The following BICDL1 variants were observed in gnomAD, a reference collection of about 807,000 sequenced individuals.
BICDL1 encodes the protein BICD family-like cargo adapter 1.
A neutral mutation model predicts 76.8 loss-of-function variants in BICDL1; 20 were observed. The ratio of observed to expected loss-of-function variants is 0.26; its 90% CI spans 0.18 to 0.38. The LOEUF is 0.38. Ranked by LOEUF, BICDL1 falls within the 10% of genes least tolerant of loss-of-function variation. The probability of loss-of-function intolerance (pLI) is 1.00; values close to 1 mark genes in which losing one functional copy is unlikely to be tolerated. For missense variants in BICDL1, 700 were observed against 798.6 expected (o/e 0.88, Z 1.49); for synonymous variants, 383 against 337.1 (o/e 1.14, Z -1.49).
intron 2 of BICDL1, among the ~76,000 whole-genome samples, chr12:120,001,201 A>G (rs1352364841): frequency 6.6e-6 from 1 of 152,156 alleles, no homozygotes; most frequent in African/African-American, 2.4e-5. Context: ...GAAGTGAATT[A>G]AGACAAGATA....
At chr12:120,056,840 T>G (rs916874541) in intron 2 of BICDL1, among the ~76,000 whole-genome samples, 2 of 152,172 alleles carry the variant, frequency 1.3e-5, no homozygotes, top group Non-Finnish European at 2.9e-5. Context: ...GCCTCGAGCA[T>G]GAGCACTGAC....
intron 9 of BICDL1, chr12:120,092,415 G>T: frequency 2.0e-6 from 2 of 985,466 alleles, no homozygotes; most frequent in Non-Finnish European, 2.4e-6. Flanking sequence ...GCCGCAGATG[G>T]GAGCCTCAGC....
intron 2 of BICDL1, among the ~76,000 whole-genome samples, chr12:120,011,441 A>C (rs1053721086): frequency 6.6e-6 from 1 of 152,206 alleles, no homozygotes; most frequent in African/African-American, 2.4e-5. Flanking sequence ...AAGATCTTCC[A>C]ATTCTAACTA....
At position 119,989,788 on chromosome 12, in the gene BICDL1, C is replaced by A; in HGVS notation, c.-81C>A. ...GCGAGGCGAGGCGCGGGACGCGGGGCGGCGCGGCAGGGCCCCTCCCCCCTG... is the reference window on the plus strand; with the variant it reads ...GCGAGGCGAGGCGCGGGACGCGGGGAGGCGCGGCAGGGCCCCTCCCCCCTG... On this transcript the variant is annotated 5_prime_UTR_variant, in exon 1 of 10. Transcript: ENST00000548673. 5.2e-6 allele frequency: 3 copies of A among 574,882 alleles called. No individual in the cohort carries two copies. The highest frequency in any genetic ancestry group is 6.6e-6 in the Non-Finnish European group (3 of 457,748). 35.6% of individuals were successfully genotyped at this position (574,882 alleles called of 1,614,324 possible).
At chr12:119,993,995 C>A (rs985137622) in intron 1 of BICDL1, among the ~76,000 whole-genome samples, 1 of 152,190 alleles carries the variant, frequency 6.6e-6, no homozygotes, top group Non-Finnish European at 1.5e-5. Flanking sequence ...AACTTATATC[C>A]GGTCATGTCC....
At chr12:119,994,225 T>C (rs1288552989) in intron 1 of BICDL1, among the ~76,000 whole-genome samples, 1 of 152,162 alleles carries the variant, frequency 6.6e-6, no homozygotes, top group Non-Finnish European at 1.5e-5. Flanking sequence ...ACTGTTTTTT[T>C]AAGAGGAAGA....
chr12:120,004,983 G>A (rs1356481825), intron 2 of BICDL1, among the ~76,000 whole-genome samples: 8 of 151,990 alleles, frequency 5.3e-5, no homozygotes, highest in South Asian at 4.2e-4. Context: ...CACTATACCC[G>A]GCTAATTTTT....
intron 2 of BICDL1, among the ~76,000 whole-genome samples, chr12:120,048,604 A>G (rs1465473432): frequency 1.3e-5 from 2 of 152,040 alleles, no homozygotes; most frequent in Non-Finnish European, 2.9e-5. Context: ...TTGGTTACCT[A>G]TCCCTTACTC....
At chr12:120,060,090 T>A (rs76353928) in intron 2 of BICDL1, among the ~76,000 whole-genome samples, 1 of 152,152 alleles carries the variant, frequency 6.6e-6, no homozygotes, top group Non-Finnish European at 1.5e-5. Flanking sequence ...GCCGATTTCC[T>A]TGTTAATTGG....
At chr12:120,083,354 TG>T (rs1235394133) in intron 8 of BICDL1, among the ~76,000 whole-genome samples, 1 of 151,930 alleles carries the variant, frequency 6.6e-6, no homozygotes, top group African/African-American at 2.4e-5. Flanking sequence ...CCTCCTGGGC[TG>T]GAGCAATCCT....
intron 2 of BICDL1, among the ~76,000 whole-genome samples, chr12:120,010,443 A>G (rs1198627756): frequency 6.6e-6 from 1 of 152,208 alleles, no homozygotes; most frequent in Non-Finnish European, 1.5e-5. Flanking sequence ...TGTTCTGTTT[A>G]TCTGTTCTGT....
chr12:120,053,230 A>G (rs919991701), intron 2 of BICDL1, among the ~76,000 whole-genome samples: 3 of 152,100 alleles, frequency 2.0e-5, no homozygotes, highest in African/African-American at 7.2e-5. Context: ...GATTACAGGC[A>G]TGTGCCACCA....
At chr12:120,046,338 A>C (rs1338895866) in intron 2 of BICDL1, among the ~76,000 whole-genome samples, 1 of 152,216 alleles carries the variant, frequency 6.6e-6, no homozygotes, top group African/African-American at 2.4e-5. Context: ...AGTGACTTAA[A>C]CATCAGCTCT....
chr12:120,030,903 G>A (rs1189903234), intron 2 of BICDL1, among the ~76,000 whole-genome samples: 1 of 152,100 alleles, frequency 6.6e-6, no homozygotes, highest in Non-Finnish European at 1.5e-5. Context: ...ATGGGTTTTG[G>A]CCTCAGAGGA....
chr12:120,092,937 C>G, intron 9 of BICDL1, 63 bp from the exon 10 acceptor site: 1 of 1,491,280 alleles, frequency 6.7e-7, no homozygotes, highest in Non-Finnish European at 8.9e-7. Flanking sequence ...ACCTCCCTGT[C>G]CAGCCCCAGG....
At chr12:120,062,836 C>G (rs1953134882) in intron 3 of BICDL1, among the ~76,000 whole-genome samples, 1 of 152,138 alleles carries the variant, frequency 6.6e-6, no homozygotes. Flanking sequence ...TTGCCATTCA[C>G]CTGCCTCTGC....
chr12:120,041,907 T>C (rs1428750015), intron 2 of BICDL1, among the ~76,000 whole-genome samples: 1 of 152,150 alleles, frequency 6.6e-6, no homozygotes, highest in Non-Finnish European at 1.5e-5. Context: ...ATCTTAGAAG[T>C]CATGGTAAGG....
At chr12:120,040,145 C>T (rs1952608842) in intron 2 of BICDL1, among the ~76,000 whole-genome samples, 1 of 151,898 alleles carries the variant, frequency 6.6e-6, no homozygotes, top group South Asian at 2.1e-4. Context: ...TTCTGTCACC[C>T]ACACTGGAGT....
chr12:120,039,637 C>CAAAAAAAAA (rs58284420), intron 2 of BICDL1, among the ~76,000 whole-genome samples: 7 of 54,754 alleles, frequency 1.3e-4, no homozygotes, highest in Admixed American at 4.5e-4. Context: ...GACTCCGTCT[C>CAAAAAAAAA]AAAAAAAAAA....
Sources: allele counts gnomAD v4.1 joint callset (sites outside exome capture counted in the v4.1 genomes callset), GRCh38; gene constraint gnomAD v4.1.1; transcripts MANE v1.5; gene names NCBI Gene and HGNC (gene_info 2026-07-23, HGNC 2026-07-21).